ASXL3: variants seen among roughly 807,000 people sequenced by gnomAD.
ASXL3 encodes ASXL transcriptional regulator 3.
In ASXL3, 34 loss-of-function variants were observed where a neutral mutation model predicts 170.6. The observed-to-expected ratio is 0.20, with a 90% CI of 0.15 to 0.27. The LOEUF (loss-of-function observed/expected upper bound fraction) is 0.27. Ranked by LOEUF, ASXL3 falls within the 10% of genes least tolerant of loss-of-function variation. ASXL3 has a pLI of 1.00. For synonymous variants in ASXL3, 1,002 were observed against 989.1 expected (o/e 1.01, Z -0.24); for missense variants, 2,592 against 2,695.3 (o/e 0.96, Z 0.85).
chr18:33,666,931 T>A (rs2066265660), intron 5 of ASXL3, among the ~76,000 whole-genome samples: 1 of 152,202 alleles, frequency 6.6e-6, no homozygotes, highest in Non-Finnish European at 1.5e-5. Context: ...GCTTGTGGCC[T>A]GAGCAGGTGC....
At chr18:33,606,323 T>C (rs1480197132) in intron 1 of ASXL3, among the ~76,000 whole-genome samples, 3 of 151,900 alleles carry the variant, frequency 2.0e-5, no homozygotes, top group Admixed American at 2.0e-4. Context: ...CTGTATTCTT[T>C]TAATAATTTA....
intron 8 of ASXL3, among the ~76,000 whole-genome samples, chr18:33,722,153 G>A (rs78841363): frequency 0.057 from 8,734 of 152,008 alleles, 390 homozygotes; most frequent in African/African-American, 0.13. Context: ...TCCTAAGACA[G>A]AGCAGTATTA....
intron 2 of ASXL3, among the ~76,000 whole-genome samples, chr18:33,624,761 C>A (rs1461789473): frequency 6.6e-6 from 1 of 152,094 alleles, no homozygotes; most frequent in African/African-American, 2.4e-5. Context: ...AACCAATTTG[C>A]TGTCTCTTAG....
rs760699200 is a variant in ASXL3 at position 33,578,673 on chromosome 18, G to A, written c.42G>A (p.Glu14=). The change falls in exon 1 of 12, where the codon GAG becomes GAA. Residue 14 remains glutamate (E), a synonymous_variant. Coordinates refer to ENST00000269197, the MANE Select transcript of ASXL3 (RefSeq NM_030632.3). ...AGAAGAAGGACCGCACCTGGGCCGAGGCTGCCCGCCTGGTACGTACCGCCC... is the reference window on the plus strand; with the variant it reads ...AGAAGAAGGACCGCACCTGGGCCGAAGCTGCCCGCCTGGTACGTACCGCCC... ...KRKKKDRTWA[E]AARLALEKHP... 1 of 1,347,920 alleles carries A rather than the reference G, an allele frequency of 7.4e-7. No homozygotes were observed. The highest frequency in any genetic ancestry group is 9.8e-7 in the Non-Finnish European group (1 of 1,025,024). The allele number at this position is 1,347,920 out of a possible 1,614,324, so 83.5% of individuals were successfully genotyped here.
intron 8 of ASXL3, among the ~76,000 whole-genome samples, chr18:33,721,194 C>T (rs992325535): frequency 6.6e-6 from 1 of 151,956 alleles, no homozygotes; most frequent in African/African-American, 2.4e-5. Flanking sequence ...AATAGCCTCC[C>T]CAGCATCTGA....
At chr18:33,644,297 G>T (rs989136333) in intron 2 of ASXL3, among the ~76,000 whole-genome samples, 4 of 151,902 alleles carry the variant, frequency 2.6e-5, no homozygotes, top group Non-Finnish European at 5.9e-5. Flanking sequence ...GGATGTCATT[G>T]TAGAGGCTGT....
intron 1 of ASXL3, among the ~76,000 whole-genome samples, chr18:33,590,979 A>G (rs1428584573): frequency 6.6e-6 from 1 of 152,248 alleles, no homozygotes; most frequent in African/African-American, 2.4e-5. Context: ...ATGCCCAAGA[A>G]GAACCTTTAT....
intron 1 of ASXL3, among the ~76,000 whole-genome samples, chr18:33,589,635 A>C (rs546591443): frequency 1.2e-4 from 19 of 152,322 alleles, no homozygotes; most frequent in African/African-American, 4.6e-4. Context: ...ATGTTTGCAA[A>C]GTAAATAATC....
chr18:33,633,843 C>CAAAAAAAAAAAAAAAAAAAAATAA (rs2065723009), intron 2 of ASXL3, among the ~76,000 whole-genome samples: 1 of 86,948 alleles, frequency 1.2e-5, no homozygotes, highest in African/African-American at 4.1e-5. Flanking sequence ...GACTCCATCT[C>CAAAAAAAAAAAAAAAAAAAAATAA]AAAAAAAAAA....
intron 2 of ASXL3, among the ~76,000 whole-genome samples, chr18:33,637,692 T>G (rs2065789284): frequency 6.6e-6 from 1 of 152,084 alleles, no homozygotes; most frequent in African/African-American, 2.4e-5. Flanking sequence ...CTTGCAGGGG[T>G]GGAGAAATAG....
chr18:33,648,418 A>T (rs904074714), intron 4 of ASXL3, among the ~76,000 whole-genome samples: 6 of 152,112 alleles, frequency 3.9e-5, no homozygotes, highest in Admixed American at 6.5e-5. Context: ...GAGTTTGAGT[A>T]TGTGAGCAAG....
chr18:33,691,695 G>A (rs569229665), intron 8 of ASXL3, among the ~76,000 whole-genome samples: 6 of 152,126 alleles, frequency 3.9e-5, no homozygotes, highest in Non-Finnish European at 8.8e-5. Flanking sequence ...TCTGATTGTA[G>A]TTTATATATC....
In ASXL3 at chr18:33,715,683, T is replaced by C. The variant is rs2067153398; in HGVS notation, c.880-16285T>C. ...CTTTAGTTTTGGGAAGGATAATGTTTTAAATCAAATATCTACAGAAAACCT... is the reference window on the plus strand; with the variant it reads ...CTTTAGTTTTGGGAAGGATAATGTTCTAAATCAAATATCTACAGAAAACCT... On this transcript the variant is annotated intron_variant, in intron 8 of 11. Transcript: ENST00000269197. Among the ~76,000 whole-genome samples the C allele has an allele frequency of 3.9e-5, 6 of 152,192 alleles. 1 individual carries two copies. In the South Asian group the frequency reaches 1.0e-3, roughly 26 times the overall value.
intron 8 of ASXL3, among the ~76,000 whole-genome samples, chr18:33,700,028 G>C (rs916580403): frequency 2.0e-5 from 3 of 152,044 alleles, no homozygotes; most frequent in Non-Finnish European, 4.4e-5. Flanking sequence ...TAAGATGTAA[G>C]TTAGAGAAGA....
intron 8 of ASXL3, among the ~76,000 whole-genome samples, chr18:33,692,920 T>G (rs1038114658): frequency 1.3e-5 from 2 of 152,222 alleles, no homozygotes; most frequent in African/African-American, 2.4e-5. Context: ...GTTTATTTTC[T>G]CACAGTTCTT....
chr18:33,747,314 A>C lies in ASXL3; in HGVS notation c.*719A>C, dbSNP rs2067812031. ...GACTCATGCCCAGCAATCTGGTTCT[A>C]GGCCTTTGACACCTGATAATATGAG... On this transcript the variant is annotated 3_prime_UTR_variant, in exon 12 of 12. Transcript: ENST00000269197. 1.3e-5 allele frequency: 2 copies of C among 151,850 alleles called. No homozygotes were observed. Among genetic ancestry groups the C allele is most frequent in the South Asian group, 4.2e-4 (2 of 4,778 alleles). 9.4% of individuals were successfully genotyped at this position (151,850 alleles called of 1,614,324 possible). A position where few individuals can be genotyped will look rare whatever the true frequency, so the allele number is the denominator to read the frequency against.
At chr18:33,710,506 T>C (rs2067040344) in intron 8 of ASXL3, among the ~76,000 whole-genome samples, 1 of 152,212 alleles carries the variant, frequency 6.6e-6, no homozygotes, top group African/African-American at 2.4e-5. Context: ...AAGGAATGCT[T>C]TCTGAACTTG....
chr18:33,638,730 T>A (rs1392578082), intron 2 of ASXL3, among the ~76,000 whole-genome samples: 1 of 152,170 alleles, frequency 6.6e-6, no homozygotes, highest in African/African-American at 2.4e-5. Flanking sequence ...TCTCTGAATC[T>A]CAGTCATGTC....
In ASXL3 at chr18:33,625,987, T is replaced by C. The variant is rs879002792; in HGVS notation, c.137+18311T>C. On this transcript the variant is annotated intron_variant, in intron 2 of 11. Coordinates refer to ENST00000269197, the MANE Select transcript of ASXL3 (RefSeq NM_030632.3). The stretch of plus-strand genomic sequence containing the variant: ...AGATGTATTCTGGAACTAGAGGAAG[T>C]TGGTAAAATTTGGCAGTAGGACTAA... 6 of 152,068 alleles carry C rather than the reference T, an allele frequency of 3.9e-5. 1 individual carries two copies. Among genetic ancestry groups the C allele is most frequent in the Admixed American group, 3.9e-4 (6 of 15,242 alleles). The allele number at this position is 152,068 out of a possible 1,614,324, so 9.4% of individuals were successfully genotyped here.
Sources: allele counts gnomAD v4.1 joint callset (sites outside exome capture counted in the v4.1 genomes callset), GRCh38; gene constraint gnomAD v4.1.1; transcripts MANE v1.5; gene names NCBI Gene and HGNC (gene_info 2026-07-23, HGNC 2026-07-21).